The following ZBTB44 variants were observed in gnomAD, a reference collection of about 807,000 sequenced individuals.
The protein encoded by ZBTB44 is zinc finger and BTB domain containing 44.
ZBTB44 carries 15 observed loss-of-function variants against 54.0 expected under a neutral mutation model. That is an observed-to-expected ratio of 0.28 (90% CI 0.19 to 0.43). The LOEUF (loss-of-function observed/expected upper bound fraction) is 0.43. Among genes scored for constraint, ZBTB44 ranks in the 20% least tolerant of loss-of-function variants. The pLI is 1.00. For synonymous variants in ZBTB44, 230 were observed against 250.1 expected, an observed-to-expected ratio of 0.92 and a Z score of 0.76; for missense variants, 487 against 707.1, an observed-to-expected ratio of 0.69 and a Z score of 3.53.
chr11:130,276,959 C>T (rs1378493861), intron 1 of ZBTB44, among the ~76,000 whole-genome samples: 3 of 152,166 alleles, frequency 2.0e-5, no homozygotes, highest in Non-Finnish European at 4.4e-5. Context: ...AAACCACTCT[C>T]GCTTTCTGGT....
chr11:130,263,638 A>T (rs1265049608), intron 1 of ZBTB44, among the ~76,000 whole-genome samples: 1 of 152,202 alleles, frequency 6.6e-6, no homozygotes, highest in Non-Finnish European at 1.5e-5. Flanking sequence ...ATAGGCCCCA[A>T]ACAACAGATA....
intron 1 of ZBTB44, among the ~76,000 whole-genome samples, chr11:130,300,423 A>G (rs1941928408): frequency 6.6e-6 from 1 of 152,206 alleles, no homozygotes; most frequent in South Asian, 2.1e-4. Context: ...AGACAAAACA[A>G]AGCACAGACA....
At chr11:130,302,063 A>G (rs1029628303) in intron 1 of ZBTB44, among the ~76,000 whole-genome samples, 20 of 152,156 alleles carry the variant, frequency 1.3e-4, no homozygotes, top group Non-Finnish European at 2.6e-4. Flanking sequence ...AAAAAAAAAA[A>G]AAAAGTAATA....
At chr11:130,273,823 C>T (rs1442315936) in intron 1 of ZBTB44, among the ~76,000 whole-genome samples, 1 of 152,092 alleles carries the variant, frequency 6.6e-6, no homozygotes, top group Non-Finnish European at 1.5e-5. Context: ...AATCCCAGCA[C>T]TTTGGGAGGC....
intron 1 of ZBTB44, among the ~76,000 whole-genome samples, chr11:130,269,286 C>CTAAA (rs1055863230): frequency 4.4e-5 from 3 of 68,926 alleles, no homozygotes; most frequent in Non-Finnish European, 6.8e-5. Flanking sequence ...TGAAACTCCA[C>CTAAA]TAAATAATTA....
chr11:130,257,476 C>T (rs1278759614), intron 2 of ZBTB44, among the ~76,000 whole-genome samples: 2 of 152,032 alleles, frequency 1.3e-5, no homozygotes, highest in African/African-American at 4.8e-5. Context: ...TACTAAAGCA[C>T]AATATCATAT....
intron 1 of ZBTB44, among the ~76,000 whole-genome samples, chr11:130,309,600 G>A (rs748387266): frequency 4.6e-5 from 7 of 152,102 alleles, no homozygotes; most frequent in Non-Finnish European, 7.4e-5. Context: ...TCACCTGGGC[G>A]CAGTGGCTCA....
chr11:130,292,952 C>T (rs1053605892), intron 1 of ZBTB44, among the ~76,000 whole-genome samples: 2 of 152,136 alleles, frequency 1.3e-5, no homozygotes, highest in African/African-American at 4.8e-5. Flanking sequence ...AAACTTGTCA[C>T]TCTTATCAAT....
At chr11:130,260,354 CCACT>C (rs1185638390) in intron 2 of ZBTB44, among the ~76,000 whole-genome samples, 1 of 152,098 alleles carries the variant, frequency 6.6e-6, no homozygotes, top group Non-Finnish European at 1.5e-5. Flanking sequence ...TGCATAAGAC[CCACT>C]CAAACATATA....
intron 1 of ZBTB44, among the ~76,000 whole-genome samples, chr11:130,275,100 A>T (rs77640972): frequency 0.013 from 1,973 of 152,110 alleles, 48 homozygotes; most frequent in African/African-American, 0.045. Context: ...TTGCTATAAA[A>T]TTTTTCATAG....
At chr11:130,281,589 G>T (rs1462654249) in intron 1 of ZBTB44, among the ~76,000 whole-genome samples, 2 of 150,782 alleles carry the variant, frequency 1.3e-5, no homozygotes, top group Non-Finnish European at 2.9e-5. Context: ...TTTTATTGTT[G>T]TTGTTGTTTT....
At chr11:130,255,316 A>T (rs1386190421) in intron 2 of ZBTB44, among the ~76,000 whole-genome samples, 1 of 152,192 alleles carries the variant, frequency 6.6e-6, no homozygotes, top group Non-Finnish European at 1.5e-5. Flanking sequence ...CTGGGTAAAT[A>T]ACGAAATTAA....
intron 1 of ZBTB44, among the ~76,000 whole-genome samples, chr11:130,309,237 TA>T (rs1942447045): frequency 6.6e-6 from 1 of 152,232 alleles, no homozygotes; most frequent in Admixed American, 6.5e-5. Flanking sequence ...CTTTCTCTAA[TA>T]AATCTGCCCT....
chr11:130,281,198 T>A (rs894526405), intron 1 of ZBTB44, among the ~76,000 whole-genome samples: 14 of 152,134 alleles, frequency 9.2e-5, no homozygotes, highest in African/African-American at 3.4e-4. Flanking sequence ...AGGTCTCAAA[T>A]TAATCATCCA....
chr11:130,268,745 A>G (rs1274098870), intron 1 of ZBTB44, among the ~76,000 whole-genome samples: 4 of 151,632 alleles, frequency 2.6e-5, no homozygotes, highest in Non-Finnish European at 4.4e-5. Flanking sequence ...CACCTGGCTA[A>G]TTTTTTGTAA....
intron 1 of ZBTB44, among the ~76,000 whole-genome samples, chr11:130,308,284 G>A (rs957122022): frequency 1.3e-5 from 2 of 152,106 alleles, no homozygotes; most frequent in South Asian, 2.1e-4. Flanking sequence ...ACATATCCCC[G>A]TTGCAATCTC....
chr11:130,237,510 C>T (rs529385539), intron 4 of ZBTB44, among the ~76,000 whole-genome samples: 35 of 152,148 alleles, frequency 2.3e-4, no homozygotes, highest in Non-Finnish European at 4.4e-4. Context: ...TGTTCCCTAT[C>T]TCACAGAGAA....
chr11:130,258,431 A>T (rs574648320), intron 2 of ZBTB44, among the ~76,000 whole-genome samples: 143 of 152,288 alleles, frequency 9.4e-4, no homozygotes, highest in African/African-American at 3.2e-3. Flanking sequence ...TCTCTGTAAA[A>T]CCAAACTCAC....
At chr11:130,248,491 A>C (rs1308524860) in intron 2 of ZBTB44, among the ~76,000 whole-genome samples, 1 of 151,990 alleles carries the variant, frequency 6.6e-6, no homozygotes, top group East Asian at 1.9e-4. Context: ...AAATACAAAA[A>C]TTAGCCAGGT....
Sources: gnomAD v4.1 joint callset for allele counts (sites outside exome capture counted in the v4.1 genomes callset) on GRCh38, gnomAD v4.1.1 for gene constraint, MANE v1.5 for transcripts, NCBI Gene and HGNC (gene_info 2026-07-23, HGNC 2026-07-21) for gene names.